The following RFTN2 variants were observed in gnomAD, a reference collection of about 807,000 sequenced individuals.
RFTN2 encodes the protein raftlin family member 2, also known as raftlin-2.
In RFTN2, 34 loss-of-function variants were observed where a neutral mutation model predicts 52.7. That is an observed-to-expected ratio of 0.64 (90% CI 0.49 to 0.86). The LOEUF is 0.86. Ranked by LOEUF, RFTN2 falls within the 40% of genes least tolerant of loss-of-function variation. RFTN2 has a pLI of 0.00. For missense variants in RFTN2, 536 were observed against 600.1 expected (o/e 0.89, Z 1.12); for synonymous variants, 203 against 217.7 (o/e 0.93, Z 0.59).
At position 197,644,102 on chromosome 2, in the gene RFTN2, A is replaced by G. The variant is rs1051768205; in HGVS notation, c.438+56T>C. The G allele has an allele frequency of 8.1e-6, 8 of 982,712 alleles. 1 individual carries two copies. In the African/African-American group the frequency reaches 1.1e-4, roughly 14 times the overall value. 60.9% of individuals were successfully genotyped at this position (982,712 alleles called of 1,614,324 possible). Reference sequence around the variant, plus strand: ...TTAGGGTAAAAAAGGGAATTGATGAAGATGAAATACCAAATGTTTGTCAAT... The same window carrying G: ...TTAGGGTAAAAAAGGGAATTGATGAGGATGAAATACCAAATGTTTGTCAAT... On this transcript the variant is annotated intron_variant, in intron 3 of 8. Transcript: ENST00000295049.
chr2:197,634,887 TC>T (rs1452494217), intron 3 of RFTN2, among the ~76,000 whole-genome samples: 4 of 68,948 alleles, frequency 5.8e-5, no homozygotes, highest in Non-Finnish European at 8.4e-5. Context: ...AGCTCCCCCC[TC>T]CCCCCACCCC....
chr2:197,675,179 AATT>A (rs2089199329), intron 1 of RFTN2, 138 bp downstream of exon 1: 3 of 599,276 alleles, frequency 5.0e-6, no homozygotes, highest in African/African-American at 3.8e-5. Flanking sequence ...TACAAAGTAT[AATT>A]AAGAAGCGAA....
At chr2:197,599,867 AT>A (rs976209012) in intron 7 of RFTN2, among the ~76,000 whole-genome samples, 2 of 146,230 alleles carry the variant, frequency 1.4e-5, no homozygotes, top group African/African-American at 2.8e-5. Context: ...TTTATATTTT[AT>A]TTTTTTTGAG....
intron 8 of RFTN2, among the ~76,000 whole-genome samples, chr2:197,593,853 T>C (rs1429603213): frequency 7.3e-6 from 1 of 136,728 alleles, no homozygotes; most frequent in Admixed American, 7.8e-5. Context: ...GCCACTGCAC[T>C]CCAGCCTGGC....
At chr2:197,669,239 T>C (rs1384426582) in intron 1 of RFTN2, among the ~76,000 whole-genome samples, 2 of 152,186 alleles carry the variant, frequency 1.3e-5, no homozygotes, top group Non-Finnish European at 2.9e-5. Context: ...ACTGCTATCT[T>C]CTTAATATGC....
rs60073189 is a variant in RFTN2, at chr2:197,616,268, C to CATTTTATTTTATTTTATTTTATTTT, written c.1051-314_1051-290dup. ...ATGGGGTTGGGGAGCTGGGAATCTG[C>CATTTTATTTTATTTTATTTTATTTT]ATTTTATTTTATTTTATTTTATTTT... On this transcript the variant is annotated intron_variant, in intron 6 of 8. Coordinates refer to ENST00000295049, the MANE Select transcript of RFTN2 (RefSeq NM_144629.3). 2.6e-3 allele frequency among the ~76,000 whole-genome samples: 157 copies of CATTTTATTTTATTTTATTTTATTTT among 60,822 alleles called. 4 individuals are homozygous for CATTTTATTTTATTTTATTTTATTTT. Among genetic ancestry groups the CATTTTATTTTATTTTATTTTATTTT allele is most frequent in the African/African-American group, 0.012 (146 of 12,506 alleles). 39.9% of individuals were successfully genotyped at this position (60,822 alleles called of 152,430 possible).
At chr2:197,640,315 CG>C (rs2088643698) in intron 3 of RFTN2, among the ~76,000 whole-genome samples, 1 of 152,006 alleles carries the variant, frequency 6.6e-6, no homozygotes, top group African/African-American at 2.4e-5. Flanking sequence ...TGGGCAATGG[CG>C]GGCGCCCCTC....
chr2:197,637,605 A>G (rs2106240953), intron 3 of RFTN2, among the ~76,000 whole-genome samples: 1 of 151,964 alleles, frequency 6.6e-6, no homozygotes, highest in South Asian at 2.1e-4. Flanking sequence ...ATCATTTTTT[A>G]TTGTGTCTAT....
chr2:197,592,526 G>A (rs984104968), intron 8 of RFTN2, among the ~76,000 whole-genome samples: 12 of 152,156 alleles, frequency 7.9e-5, no homozygotes, highest in Non-Finnish European at 1.6e-4. Context: ...CAGACTCTAG[G>A]TTAATTTCTA....
intron 3 of RFTN2, among the ~76,000 whole-genome samples, chr2:197,634,935 G>A (rs1432566534): frequency 7.7e-6 from 1 of 129,750 alleles, no homozygotes; most frequent in Non-Finnish European, 1.5e-5. Flanking sequence ...CCCTTCCTGT[G>A]TCCATGTGAT....
chr2:197,582,015 A>C (rs555497468), intron 8 of RFTN2, among the ~76,000 whole-genome samples: 31 of 152,144 alleles, frequency 2.0e-4, no homozygotes, highest in Non-Finnish European at 4.1e-4. Context: ...CACATAGCCA[A>C]AGTGCAGGGC....
chr2:197,592,036 A>G (rs2087724462), intron 8 of RFTN2, among the ~76,000 whole-genome samples: 1 of 152,108 alleles, frequency 6.6e-6, no homozygotes, highest in African/African-American at 2.4e-5. Flanking sequence ...GGGCTCCTCA[A>G]GTGTGGCCAG....
chr2:197,640,196 G>A (rs1166829725), intron 3 of RFTN2, among the ~76,000 whole-genome samples: 2 of 152,190 alleles, frequency 1.3e-5, no homozygotes, highest in Non-Finnish European at 2.9e-5. Context: ...CTTTTTGTCT[G>A]TGCCCTGCCC....
At chr2:197,611,373 C>T (rs1038846909) in intron 7 of RFTN2, among the ~76,000 whole-genome samples, 3 of 152,226 alleles carry the variant, frequency 2.0e-5, no homozygotes, top group Admixed American at 1.3e-4. Flanking sequence ...TCATCCCTTT[C>T]TTCTAGATTT....
At position 197,588,394 on chromosome 2, in the gene RFTN2, T is replaced by C. The variant is rs75783820; in HGVS notation, c.1233+7597A>G. On this transcript the variant is annotated intron_variant, in intron 8 of 8. Transcript: ENST00000295049. The stretch of plus-strand genomic sequence containing the variant: ...AGAGACAGACTTTATCTTATTTTAC[T>C]TTTTTATGAGATGGGGTCCCAAGTT... Among the ~76,000 whole-genome samples the C allele has an allele frequency of 9.2e-3, 1,400 of 152,340 alleles. 27 individuals carry two copies. The highest frequency in any genetic ancestry group is 0.032 in the African/African-American group (1,332 of 41,574).
At chr2:197,589,704 CT>C (rs2087667422) in intron 8 of RFTN2, among the ~76,000 whole-genome samples, 1 of 151,990 alleles carries the variant, frequency 6.6e-6, no homozygotes, top group South Asian at 2.1e-4. Context: ...TAACTGGGTT[CT>C]TTTCTTACTC....
At chr2:197,653,777 T>C (rs184199423) in intron 1 of RFTN2, among the ~76,000 whole-genome samples, 185 of 152,330 alleles carry the variant, frequency 1.2e-3, no homozygotes, top group African/African-American at 4.2e-3. Flanking sequence ...ACTTTTTCCA[T>C]AAGAAAGGCA....
At chr2:197,634,091 C>G in intron 3 of RFTN2, 94 bp from the exon 4 acceptor site, 1 of 1,073,816 alleles carries the variant, frequency 9.3e-7, no homozygotes, top group Non-Finnish European at 1.3e-6. Flanking sequence ...AGGAAATCCA[C>G]TAGAAGATGG....
rs764093374 is a variant in RFTN2, at chr2:197,610,963, C to T, written c.1154+4913G>A. 5.9e-5 allele frequency among the ~76,000 whole-genome samples: 9 copies of T among 152,028 alleles called. No homozygotes were observed. In the South Asian group the frequency reaches 8.3e-4, roughly 14 times the overall value. The stretch of plus-strand genomic sequence containing the variant: ...CAGCCTTGCATCCCAGGGATGAAGC[C>T]GACTTGATTGTGGTGGATAAGCTTT... On this transcript the variant is annotated intron_variant, in intron 7 of 8. Coordinates refer to ENST00000295049, the MANE Select transcript of RFTN2 (RefSeq NM_144629.3).
Sources: allele counts gnomAD v4.1 joint callset (sites outside exome capture counted in the v4.1 genomes callset), GRCh38; gene constraint gnomAD v4.1.1; transcripts MANE v1.5; gene names NCBI Gene and HGNC (gene_info 2026-07-23, HGNC 2026-07-21).